Variants in PLIN3 observed in about 807,000 individuals in gnomAD.
PLIN3 encodes perilipin 3.
A neutral mutation model predicts 35.9 loss-of-function variants in PLIN3; 30 were observed. That is an observed-to-expected ratio of 0.84 (90% CI 0.62 to 1.13). The LOEUF (loss-of-function observed/expected upper bound fraction) is 1.13. Among genes scored for constraint, PLIN3 ranks in the 50% most tolerant of loss-of-function variants. The pLI is 0.00. For missense variants in PLIN3, 603 were observed against 596.9 expected (o/e 1.01, Z -0.11); for synonymous variants, 261 against 262.5 (o/e 0.99, Z 0.06).
intron 1 of PLIN3, among the ~76,000 whole-genome samples, chr19:4,863,811 G>C (rs1002844773): frequency 2.7e-5 from 4 of 146,232 alleles, no homozygotes; most frequent in Non-Finnish European, 4.5e-5. Context: ...CTGGGTGACA[G>C]AGCGAGACTC....
intron 4 of PLIN3, among the ~76,000 whole-genome samples, chr19:4,856,097 G>A (rs995824181): frequency 2.0e-5 from 3 of 152,052 alleles, no homozygotes; most frequent in Admixed American, 1.3e-4. Flanking sequence ...CCTGCAGGTG[G>A]TCTCAGGGAA....
chr19:4,850,570 G>A (rs967954637), intron 5 of PLIN3, among the ~76,000 whole-genome samples: 55 of 146,708 alleles, frequency 3.7e-4, no homozygotes, highest in African/African-American at 1.3e-3. Flanking sequence ...ACAGGCACCC[G>A]CCACCACGCC....
chr19:4,841,204 C>T (rs527806493), intron 7 of PLIN3, among the ~76,000 whole-genome samples: 2 of 152,224 alleles, frequency 1.3e-5, no homozygotes, highest in African/African-American at 4.8e-5. Flanking sequence ...AAAGTAGAAA[C>T]GACTCAAGTG....
intron 7 of PLIN3, among the ~76,000 whole-genome samples, chr19:4,841,234 G>T (rs1034026547): frequency 9.2e-5 from 14 of 152,164 alleles, no homozygotes; most frequent in Non-Finnish European, 1.9e-4. Context: ...TGATAAATGG[G>T]TGAACAGAAT....
intron 4 of PLIN3, 24 bp downstream of exon 4, chr19:4,859,566 G>C: frequency 6.2e-7 from 1 of 1,604,688 alleles, no homozygotes; most frequent in South Asian, 1.1e-5. Context: ...TCTCGACAGA[G>C]CCCCTGAGGA....
chr19:4,864,695 G>T (rs898869655), intron 1 of PLIN3, among the ~76,000 whole-genome samples: 1 of 152,048 alleles, frequency 6.6e-6, no homozygotes, highest in Admixed American at 6.6e-5. Flanking sequence ...TCAGGGGTGT[G>T]GGGAGGACGG....
At chr19:4,846,470 G>A (rs1055952602) in intron 6 of PLIN3, among the ~76,000 whole-genome samples, 14 of 151,920 alleles carry the variant, frequency 9.2e-5, no homozygotes, top group Admixed American at 2.6e-4. Flanking sequence ...AGGCTGAGGT[G>A]GGTGGATCAC....
intron 7 of PLIN3, among the ~76,000 whole-genome samples, chr19:4,843,281 C>T (rs187057498): frequency 5.3e-5 from 8 of 151,478 alleles, no homozygotes; most frequent in East Asian, 2.0e-4. Context: ...CCGAGGCGGG[C>T]GGATCACAAG....
At chr19:4,842,599 CAAAAAAAAA>C (rs11383489) in intron 7 of PLIN3, among the ~76,000 whole-genome samples, 1 of 46,908 alleles carries the variant, frequency 2.1e-5, no homozygotes, top group Non-Finnish European at 3.6e-5. Context: ...GACTCTATCT[CAAAAAAAAA>C]AAAAAAAAAA....
At position 4,853,203 on chromosome 19, in the gene PLIN3, G is replaced by A. The variant is rs373165613; in HGVS notation, c.349-902C>T. On this transcript the variant is annotated intron_variant, in intron 4 of 7. Transcript: ENST00000221957. ...AGGTGGAGTGCGGTGGCACAATCTC[G>A]GCTCACTACAAACTCCACCTCCTGG... 9.2e-5 allele frequency among the ~76,000 whole-genome samples: 14 copies of A among 151,426 alleles called. 1 individual carries two copies. The East Asian group carries it at 1.6e-3, about 17-fold the overall frequency.
intron 5 of PLIN3, among the ~76,000 whole-genome samples, chr19:4,850,336 G>A (rs539794918): frequency 2.6e-5 from 4 of 151,762 alleles, no homozygotes; most frequent in South Asian, 4.2e-4. Context: ...GAGTGCAGCG[G>A]CCCAATCTTG....
rs551362616 is a variant in PLIN3 at position 4,852,290 on chromosome 19, G to A, written c.360C>T (p.Asp120=). The change falls in exon 5 of 8, where the codon GAC becomes GAT. Residue 120 remains aspartate (D), a synonymous_variant. Coordinates refer to ENST00000221957, the MANE Select transcript of PLIN3 (RefSeq NM_005817.5). ...CCTTAGACGACACAAGCTCCTTGGT[G>A]TCCGCCAGGACCTAGGAGATGCAAC... The part of the protein sequence containing the change: ...LQQPTEKVLA[D]TKELVSSKVS... 1 of 1,602,494 alleles carries A rather than the reference G, an allele frequency of 6.2e-7. No homozygotes were observed. Among genetic ancestry groups the A allele is most frequent in the African/African-American group, 1.3e-5 (1 of 75,044 alleles).
intron 5 of PLIN3, among the ~76,000 whole-genome samples, chr19:4,848,792 G>A (rs140307542): frequency 1.3e-5 from 2 of 152,010 alleles, no homozygotes; most frequent in Non-Finnish European, 2.9e-5. Context: ...GCTTGAACCC[G>A]GGAGGTGGAG....
chr19:4,862,021 C>A (rs1423578282), intron 1 of PLIN3, among the ~76,000 whole-genome samples: 3 of 151,912 alleles, frequency 2.0e-5, no homozygotes, highest in Non-Finnish European at 4.4e-5. Context: ...TCACTGCAGC[C>A]TCTAACTCCT....
At chr19:4,864,098 AGTGTGTGTGTGTGTGTGTGTGTGTGTGT>A (rs71170861) in intron 1 of PLIN3, among the ~76,000 whole-genome samples, 54 of 125,370 alleles carry the variant, frequency 4.3e-4, no homozygotes, top group East Asian at 9.3e-4. Flanking sequence ...ACACCTGGCT[AGTGTGTGTGTGTGTGTGTGTGTGTGTGT>A]GTGTGTGTGT....
rs1034658946 is a variant in PLIN3, at chr19:4,845,753, T to C, written c.835-960A>G. 7.4e-5 allele frequency among the ~76,000 whole-genome samples: 11 copies of C among 149,416 alleles called. 1 individual carries two copies. Among genetic ancestry groups the C allele is most frequent in the Admixed American group, 4.7e-4 (7 of 14,808 alleles). On this transcript the variant is annotated intron_variant, in intron 6 of 7. Transcript: ENST00000221957. ...TCCTGGCTAACACGGTGAAACCCCA[T>C]CTCTACTAAAAATACAAAAAATTAG...
chr19:4,867,549 G>T (rs1192010809), intron 1 of PLIN3, 60 bp downstream of exon 1: 1 of 151,744 alleles, frequency 6.6e-6, no homozygotes, highest in African/African-American at 2.4e-5. Context: ...GGCCCCTGGG[G>T]TGCCCCAGGA....
intron 6 of PLIN3, 49 bp from the exon 7 acceptor site, chr19:4,844,842 A>G (rs2030033650): frequency 6.6e-7 from 1 of 1,524,840 alleles, no homozygotes; most frequent in Admixed American, 2.2e-5. Flanking sequence ...CCTGGGAGAG[A>G]CGGGATTCCA....
intron 2 of PLIN3, among the ~76,000 whole-genome samples, 188 bp downstream of exon 2, chr19:4,861,138 GGCC>G (rs2030660622): frequency 2.6e-5 from 4 of 152,088 alleles, no homozygotes; most frequent in African/African-American, 9.7e-5. Flanking sequence ...GCCCTCCAAG[GGCC>G]TTTGAGATTC....
Sources: allele counts gnomAD v4.1 joint callset (sites outside exome capture counted in the v4.1 genomes callset), GRCh38; gene constraint gnomAD v4.1.1; transcripts MANE v1.5; gene names NCBI Gene and HGNC (gene_info 2026-07-23, HGNC 2026-07-21).